RPAP1: variants seen among roughly 807,000 people sequenced by gnomAD.
RPAP1 encodes RNA polymerase II associated protein 1, also known as RNA polymerase II-associated protein 1.
Under a neutral mutation model 142.4 loss-of-function variants are expected in RPAP1, and 109 were observed. The observed-to-expected ratio is 0.77, with a 90% confidence interval of 0.66 to 0.90. The LOEUF is 0.90. Among genes scored for constraint, RPAP1 ranks in the 40% least tolerant of loss-of-function variants. The pLI, the probability that RPAP1 is intolerant of heterozygous loss-of-function variation, is 0.00. For missense variants in RPAP1, 1,546 were observed against 1,751.7 expected (o/e 0.88, Z 2.10); for synonymous variants, 704 against 738.9 (o/e 0.95, Z 0.77).
Position 41,535,616 on chromosome 15 carries a change from G to A in RPAP1, c.437C>T (p.Ser146Phe). The A allele has an allele frequency of 1.2e-6, 2 of 1,613,208 alleles. No homozygotes were observed. Among genetic ancestry groups the A allele is most frequent in the East Asian group, 4.5e-5 (2 of 44,828 alleles). ...SRDTQGKSATSGKRSIFAQEI... is the reference protein window; with the variant it reads ...SRDTQGKSATFGKRSIFAQEI... ...CTGGGCAAAGATGCTTCTCTTACCA[G>A]ATGTTGCTGATTTCCCCTGTGGGGC... The change falls in exon 5 of 25, where the codon TCT becomes TTT. Residue 146 changes from serine to phenylalanine, a missense_variant. Transcript: ENST00000304330.
At chr15:41,531,501 G>A (rs540235375) in intron 6 of RPAP1, among the ~76,000 whole-genome samples, 147 of 151,228 alleles carry the variant, frequency 9.7e-4, no homozygotes, top group Admixed American at 1.5e-3. Context: ...TCCAATGTAA[G>A]TGGCTGTAGA....
intron 3 of RPAP1, 127 bp from the exon 4 acceptor site, chr15:41,536,345 C>G: frequency 7.6e-7 from 1 of 1,309,054 alleles, no homozygotes; most frequent in Non-Finnish European, 1.1e-6. Flanking sequence ...CTCCTCCCTT[C>G]AGGGCAGTGA....
chr15:41,520,579 C>T lies in RPAP1; in HGVS notation c.3607G>A (p.Gly1203Ser), dbSNP rs748361220. The T allele has an allele frequency of 1.2e-6, 2 of 1,614,206 alleles. No homozygotes were observed. Among genetic ancestry groups the T allele is most frequent in the East Asian group, 2.2e-5 (1 of 44,888 alleles). The change falls in exon 22 of 25, where the codon GGC becomes AGC. Residue 1203 changes from glycine (G) to serine (S), a missense_variant. By Grantham distance (56) the Gly-to-Ser change is moderately conservative (BLOSUM62 0). This residue lies in a region of RPAP1 where 210 missense variants were observed against 248.0 expected (regional missense o/e 0.85). Transcript: ENST00000304330. The stretch of plus-strand genomic sequence containing the variant: ...TAGAGGTCAGGGAAAGACGTCAGGC[C>T]AGGGAGTCGGCAGTCCAGGTTGAGG... ...PNLNLDCRLP[G>S]LTSFPDLYAN... is the part of the protein sequence containing the mutation.
At chr15:41,519,055 A>G (rs1016475634) in intron 22 of RPAP1, among the ~76,000 whole-genome samples, 3 of 151,864 alleles carry the variant, frequency 2.0e-5, no homozygotes, top group African/African-American at 7.3e-5. Flanking sequence ...GGTCTGGCTA[A>G]TTTTCCAATA....
In RPAP1 at chr15:41,523,321, T is replaced by C; in HGVS notation, c.2470A>G (p.Met824Val). ...SSCPEDWLQD[M>V]QRLSEELLLP... is the part of the protein sequence containing the mutation. Reference sequence around the variant, plus strand: ...AGCAGCTCCTCTGACAGGCGCTGCATGTCCTGGAGCCAATCCTCCGGGCAT... The same window carrying C: ...AGCAGCTCCTCTGACAGGCGCTGCACGTCCTGGAGCCAATCCTCCGGGCAT... The change falls in exon 18 of 25, where the codon ATG becomes GTG. Residue 824 changes from methionine (M) to valine (V), a missense_variant. Coordinates refer to ENST00000304330, the MANE Select transcript of RPAP1 (RefSeq NM_015540.4). 2 of 1,610,006 alleles carry C rather than the reference T, an allele frequency of 1.2e-6. No individual in the cohort carries two copies. The highest frequency in any genetic ancestry group is 1.7e-6 in the Non-Finnish European group (2 of 1,178,102).
At chr15:41,527,698 G>T (rs1200346) in intron 11 of RPAP1, 93 bp from the exon 12 acceptor site, 744,970 of 1,467,668 alleles carry the variant, frequency 0.51, 190,741 homozygotes, top group African/African-American at 0.64. Flanking sequence ...AAACCATAAA[G>T]GCAAGCCTCC....
rs865897639 is a variant in RPAP1 at position 41,521,911 on chromosome 15, T to C, written c.2896-31A>G. ...GACAGAAAAGCAGGGAACTACCTAG[T>C]ACAGGAGAAGGGGACGTGGCAGAGA... On this transcript the variant is annotated intron_variant, in intron 20 of 24. Coordinates refer to ENST00000304330, the MANE Select transcript of RPAP1 (RefSeq NM_015540.4). 9.3e-6 allele frequency: 15 copies of C among 1,608,050 alleles called. No individual in the cohort carries two copies. The Middle Eastern group carries it at 5.0e-4, about 53-fold the overall frequency.
intron 15 of RPAP1, 82 bp downstream of exon 15, chr15:41,524,909 G>A: frequency 7.0e-7 from 1 of 1,438,478 alleles, no homozygotes; most frequent in Non-Finnish European, 9.5e-7. Flanking sequence ...TTGGGACCTT[G>A]AGCAAGGCTG....
In RPAP1 at chr15:41,540,912, T is replaced by G. The variant is rs2051965995; in HGVS notation, c.-77+3307A>C. On this transcript the variant is annotated intron_variant, in intron 1 of 24. Coordinates refer to ENST00000304330, the MANE Select transcript of RPAP1 (RefSeq NM_015540.4). ...GGTAATTCTTTGCTGTGGGAAGCTG[T>G]CCTGCGCACTGTAGGATGTTTAGCG... Among the ~76,000 whole-genome samples the G allele has an allele frequency of 1.3e-5, 2 of 152,154 alleles. 1 individual carries two copies. Among genetic ancestry groups the G allele is most frequent in the South Asian group, 4.1e-4 (2 of 4,828 alleles).
At chr15:41,524,632 C>G (rs771133686) in intron 15 of RPAP1, among the ~76,000 whole-genome samples, 1 of 151,946 alleles carries the variant, frequency 6.6e-6, no homozygotes, top group Non-Finnish European at 1.5e-5. Context: ...TGTGCCACCA[C>G]GCCTGGCTAA....
intron 5 of RPAP1, 115 bp downstream of exon 5, chr15:41,535,397 T>C: frequency 7.1e-7 from 1 of 1,411,310 alleles, no homozygotes; most frequent in Non-Finnish European, 9.5e-7. Context: ...CTCAGACTAC[T>C]TGAGATGGCT....
intron 11 of RPAP1, 98 bp from the exon 12 acceptor site, chr15:41,527,703 G>A: frequency 6.9e-7 from 1 of 1,455,942 alleles, no homozygotes; most frequent in Non-Finnish European, 9.2e-7. Context: ...ATAAAGGCAA[G>A]CCTCCTGGGC....
At chr15:41,531,627 A>ATTTTT (rs150550154) in intron 6 of RPAP1, among the ~76,000 whole-genome samples, 11 of 22,024 alleles carry the variant, frequency 5.0e-4, no homozygotes, top group African/African-American at 2.4e-3. Context: ...ATATATATAT[A>ATTTTT]TTTTTTTTTT....
Position 41,527,005 on chromosome 15 carries a change from G to A in RPAP1, c.1810C>T (p.Pro604Ser). 1 of 1,614,220 alleles carries A rather than the reference G, an allele frequency of 6.2e-7. No individual in the cohort carries two copies. Among genetic ancestry groups the A allele is most frequent in the South Asian group, 1.1e-5 (1 of 91,088 alleles). Residue 604 changes from proline (P) to serine (S), a missense_variant, in exon 14 of 25, where the codon CCT (proline) becomes TCT (serine). Pro to Ser is a moderately conservative substitution (Grantham distance 74). Coordinates refer to ENST00000304330, the MANE Select transcript of RPAP1 (RefSeq NM_015540.4). ...VREFLPTSWSPVGAGPTPSLY... is the reference protein window; with the variant it reads ...VREFLPTSWSSVGAGPTPSLY... ...CTAGGGGTAGGCCCTGCCCCCACAG[G>A]AGACCAACTGGTGGGCAAGAACTCT...
intron 6 of RPAP1, among the ~76,000 whole-genome samples, chr15:41,531,600 C>CACACATATATATATATATAT (rs1420926148): frequency 1.5e-5 from 1 of 67,642 alleles, no homozygotes; most frequent in African/African-American, 5.2e-5. Flanking sequence ...TGCACACACA[C>CACACATATATATATATATAT]ATATATATAT....
chr15:41,535,378 C>G (rs192406333), intron 5 of RPAP1, 134 bp downstream of exon 5: 2 of 1,265,040 alleles, frequency 1.6e-6, no homozygotes, highest in African/African-American at 3.0e-5. Context: ...GCCTCCCATA[C>G]CTAGTATTCT....
At chr15:41,536,824 A>G (rs2051914504) in intron 2 of RPAP1, 121 bp downstream of exon 2, 1 of 1,395,476 alleles carries the variant, frequency 7.2e-7, no homozygotes, top group Non-Finnish European at 9.8e-7. Flanking sequence ...GGCTGCAGAA[A>G]CACAGGCTAT....
intron 1 of RPAP1, among the ~76,000 whole-genome samples, chr15:41,539,243 G>A (rs1329723081): frequency 6.6e-6 from 1 of 151,946 alleles, no homozygotes; most frequent in Admixed American, 6.6e-5. Context: ...CAAAAAGCTA[G>A]GACTACAGAT....
At chr15:41,544,087 A>C (rs2051997261) in intron 1 of RPAP1, 132 bp downstream of exon 1, 2 of 152,312 alleles carry the variant, frequency 1.3e-5, no homozygotes, top group African/African-American at 4.8e-5. Context: ...AGATCTATGC[A>C]CAGAGGAGGC....
Sources: allele counts gnomAD v4.1 joint callset (sites outside exome capture counted in the v4.1 genomes callset), GRCh38; gene constraint gnomAD v4.1.1; regional missense constraint gnomAD v4.1.1; transcripts MANE v1.5; gene names NCBI Gene and HGNC (gene_info 2026-07-23, HGNC 2026-07-21).